IPO5: variants seen among roughly 807,000 people sequenced by gnomAD.
The protein encoded by IPO5 is importin-5.
A neutral mutation model predicts 143.3 loss-of-function variants in IPO5; 18 were observed. The observed-to-expected ratio is 0.13, with a 90% confidence interval of 0.09 to 0.19. The LOEUF is 0.19. IPO5 is among the 10% of genes least tolerant of loss of function. The probability of loss-of-function intolerance (pLI) is 1.00; values close to 1 mark genes in which losing one functional copy is unlikely to be tolerated. For synonymous variants in IPO5, 477 were observed against 465.7 expected (o/e 1.02, Z -0.31); for missense variants, 1,013 against 1,336.9 (o/e 0.76, Z 3.78).
intron 2 of IPO5, among the ~76,000 whole-genome samples, chr13:97,967,187 C>A (rs371367065): frequency 3.2e-4 from 48 of 152,172 alleles, no homozygotes; most frequent in African/African-American, 1.0e-3. Context: ...TGTTAGCACA[C>A]AATTGGGTAC....
At chr13:97,962,695 C>T (rs1434855451) in intron 2 of IPO5, among the ~76,000 whole-genome samples, 2 of 151,722 alleles carry the variant, frequency 1.3e-5, no homozygotes, top group Admixed American at 6.6e-5. Context: ...GAGGCACATC[C>T]GTAGTCCCAG....
At chr13:98,019,076 C>T (rs1307944210) in intron 26 of IPO5, among the ~76,000 whole-genome samples, 2 of 152,092 alleles carry the variant, frequency 1.3e-5, no homozygotes, top group East Asian at 3.9e-4. Context: ...CTTCAGCCTC[C>T]TGAGTAGCTG....
intron 3 of IPO5, among the ~76,000 whole-genome samples, chr13:97,971,152 T>A (rs944488351): frequency 2.6e-5 from 4 of 152,170 alleles, no homozygotes; most frequent in Admixed American, 2.6e-4. Context: ...AATGAGTCCC[T>A]CCATCTGCAG....
intron 3 of IPO5, chr13:97,976,370 G>T (rs542562258): frequency 6.6e-6 from 1 of 151,774 alleles, no homozygotes; most frequent in Non-Finnish European, 1.5e-5. Flanking sequence ...TACAGCCGGC[G>T]GCCCCCGATG....
At chr13:97,969,991 AC>A in intron 3 of IPO5, 161 bp downstream of exon 3, 1 of 601,814 alleles carries the variant, frequency 1.7e-6, no homozygotes, top group Non-Finnish European at 3.0e-6. Flanking sequence ...GAGCCATCAC[AC>A]CCAGCCAAAA....
At chr13:97,954,404 G>A (rs1884321568) in intron 2 of IPO5, among the ~76,000 whole-genome samples, 1 of 152,166 alleles carries the variant, frequency 6.6e-6, no homozygotes, top group Non-Finnish European at 1.5e-5. Context: ...AATAAAAAGT[G>A]CTTAGAAGCA....
intron 9 of IPO5, 98 bp downstream of exon 9, chr13:97,990,635 C>T (rs1240505089): frequency 8.9e-6 from 6 of 673,284 alleles, no homozygotes; most frequent in Non-Finnish European, 1.2e-5. Flanking sequence ...CTATTATGTT[C>T]TGGCGCTAGG....
intron 4 of IPO5, among the ~76,000 whole-genome samples, chr13:97,981,747 C>G (rs897711089): frequency 6.6e-6 from 1 of 152,210 alleles, no homozygotes; most frequent in African/African-American, 2.4e-5. Context: ...GCATATGAAT[C>G]TGCACTTCTC....
At chr13:97,966,170 A>C (rs1351843045) in intron 2 of IPO5, among the ~76,000 whole-genome samples, 1 of 151,886 alleles carries the variant, frequency 6.6e-6, no homozygotes, top group East Asian at 1.9e-4. Context: ...ACTTCCAGTA[A>C]AATATTGAGT....
At chr13:98,007,945 A>G (rs548593930) in intron 17 of IPO5, 114 bp from the exon 18 acceptor site, 13 of 613,738 alleles carry the variant, frequency 2.1e-5, no homozygotes, top group South Asian at 1.8e-4. Flanking sequence ...TAGTTTATCT[A>G]TGAAAGTTAT....
In IPO5 at chr13:97,982,591, C is replaced by T. The variant is rs759968217; in HGVS notation, c.171+8C>T. 2.1e-5 allele frequency: 33 copies of T among 1,536,062 alleles called. 1 individual carries two copies. The South Asian group carries it at 3.5e-4, about 16-fold the overall frequency. ...ACAACAGCTGCTGAAGAGGTACTAC[C>T]TTAATATTTGTGACTATTACATTCT... On this transcript the variant is annotated splice_region_variant and intron_variant, in intron 5 of 28. Coordinates refer to ENST00000651721, the MANE Select transcript of IPO5 (RefSeq NM_002271.6).
chr13:98,023,897 A>G lies in IPO5; in HGVS notation c.*2075A>G, dbSNP rs1005742750. 18 of 152,220 alleles carry G rather than the reference A, an allele frequency of 1.2e-4. No individual in the cohort carries two copies. Among genetic ancestry groups the G allele is most frequent in the Non-Finnish European group, 2.2e-4 (15 of 68,038 alleles). The allele number at this position is 152,220 out of a possible 1,614,324, so 9.4% of individuals were successfully genotyped here. A position where few individuals can be genotyped will look rare whatever the true frequency, so the allele number is the denominator to read the frequency against. On this transcript the variant is annotated 3_prime_UTR_variant, in exon 29 of 29. Coordinates refer to ENST00000651721, the MANE Select transcript of IPO5 (RefSeq NM_002271.6). ...CTGTGAGATGTACCATGAACTAACA[A>G]TTCTTTGAAAGGACCTGCAGAAGCA...
chr13:98,014,204 C>A lies in IPO5; in HGVS notation c.2315C>A (p.Ser772Tyr). ...DSDVLSEIMHSFAKCIEVMGD... is the reference protein window; with the variant it reads ...DSDVLSEIMHYFAKCIEVMGD... ...GACGTCCTCTCAGAAATAATGCATT[C>A]TTTTGCAAAGGTGAATATTTTTCTC... The change falls in exon 22 of 29, where the codon TCT becomes TAT. Residue 772 changes from serine (S) to tyrosine (Y), a missense_variant. By Grantham distance (144) the Ser-to-Tyr change is moderately radical (BLOSUM62 -2). Transcript: ENST00000651721. 2 of 1,605,886 alleles carry A rather than the reference C, an allele frequency of 1.2e-6. No individual in the cohort carries two copies. The highest frequency in any genetic ancestry group is 1.1e-5 in the South Asian group (1 of 90,116).
intron 6 of IPO5, among the ~76,000 whole-genome samples, chr13:97,985,875 C>G (rs899052800): frequency 6.6e-6 from 1 of 152,098 alleles, no homozygotes; most frequent in Non-Finnish European, 1.5e-5. Context: ...GTAATCTCAG[C>G]ACTTTAGGAG....
At chr13:97,990,071 T>C (rs1414774931) in intron 7 of IPO5, 55 bp from the exon 8 acceptor site, 10 of 1,058,910 alleles carry the variant, frequency 9.4e-6, no homozygotes, top group Non-Finnish European at 1.5e-5. Context: ...AGCTCATACT[T>C]TACCAAGATA....
intron 2 of IPO5, among the ~76,000 whole-genome samples, chr13:97,958,940 G>A (rs539968066): frequency 2.3e-4 from 35 of 152,172 alleles, no homozygotes; most frequent in African/African-American, 8.4e-4. Flanking sequence ...GGGAGGCTGA[G>A]GCAGGTAGAT....
At chr13:97,982,350 TATCTG>T (rs1374665815) in intron 4 of IPO5, among the ~76,000 whole-genome samples, 148 bp from the exon 5 acceptor site, 6 of 152,260 alleles carry the variant, frequency 3.9e-5, no homozygotes, top group Non-Finnish European at 7.3e-5. Flanking sequence ...TTCCCTAACA[TATCTG>T]AAGTGTATTT....
intron 2 of IPO5, among the ~76,000 whole-genome samples, chr13:97,955,627 G>A (rs1251929415): frequency 6.6e-6 from 1 of 152,146 alleles, no homozygotes; most frequent in Non-Finnish European, 1.5e-5. Context: ...CCGACTTGAT[G>A]GTCCTCAGAC....
chr13:97,964,682 C>T (rs972133681), intron 2 of IPO5, among the ~76,000 whole-genome samples: 2 of 151,846 alleles, frequency 1.3e-5, no homozygotes, highest in African/African-American at 4.8e-5. Flanking sequence ...ATCTCCTGAC[C>T]TCATGACCCG....
Sources: gnomAD v4.1 joint callset for allele counts (sites outside exome capture counted in the v4.1 genomes callset) on GRCh38, gnomAD v4.1.1 for gene constraint, MANE v1.5 for transcripts, NCBI Gene and HGNC (gene_info 2026-07-23, HGNC 2026-07-21) for gene names.